Variants in SND1 observed in about 807,000 individuals in gnomAD.
The protein encoded by SND1 is staphylococcal nuclease domain-containing protein 1.
A neutral mutation model predicts 121.7 loss-of-function variants in SND1; 38 were observed. That is an observed-to-expected ratio of 0.31 (90% CI 0.24 to 0.41). The LOEUF (loss-of-function observed/expected upper bound fraction) is 0.41, where lower values mean the gene tolerates loss of function less well. SND1 is among the 10% of genes least tolerant of loss of function. SND1 has a pLI of 1.00. For missense variants in SND1, 868 were observed against 1,184.6 expected (o/e 0.73, Z 3.92); for synonymous variants, 401 against 447.4 (o/e 0.90, Z 1.31).
intron 16 of SND1, among the ~76,000 whole-genome samples, chr7:128,031,267 G>A (rs956794597): frequency 2.0e-5 from 3 of 152,028 alleles, no homozygotes; most frequent in Non-Finnish European, 4.4e-5. Flanking sequence ...TCCAGCCGCG[G>A]GGGAAGGCGC....
At chr7:127,979,965 C>T (rs1161279760) in intron 15 of SND1, among the ~76,000 whole-genome samples, 1 of 152,182 alleles carries the variant, frequency 6.6e-6, no homozygotes, top group Non-Finnish European at 1.5e-5. Context: ...AAGGCAAATG[C>T]CATTCTTGAC....
chr7:127,802,446 A>G (rs1185389675), intron 10 of SND1, among the ~76,000 whole-genome samples: 5 of 152,178 alleles, frequency 3.3e-5, no homozygotes, highest in Non-Finnish European at 5.9e-5. Flanking sequence ...TCCAAAGTGC[A>G]AATCTTAGTT....
rs144456953 is a variant in SND1 at position 127,690,630 on chromosome 7, G to A, written c.228+3868G>A. 1.2e-3 allele frequency among the ~76,000 whole-genome samples: 186 copies of A among 152,304 alleles called. 1 individual carries two copies. Among genetic ancestry groups the A allele is most frequent in the Middle Eastern group, 0.01 (3 of 294 alleles). The stretch of plus-strand genomic sequence containing the variant: ...AGAAGAGAGCCTTTCTCTCATCTCT[G>A]TGTCTTTGTGCCTAGTCAGTACCTG... On this transcript the variant is annotated intron_variant, in intron 2 of 23. Coordinates refer to ENST00000354725, the MANE Select transcript of SND1 (RefSeq NM_014390.4).
At chr7:127,746,895 T>C (rs556852911) in intron 10 of SND1, among the ~76,000 whole-genome samples, 1 of 152,350 alleles carries the variant, frequency 6.6e-6, no homozygotes, top group East Asian at 1.9e-4. Flanking sequence ...GCATTCAGTC[T>C]TAGCCATTTA....
intron 10 of SND1, among the ~76,000 whole-genome samples, chr7:127,750,164 G>A (rs980320570): frequency 4.6e-5 from 7 of 152,134 alleles, no homozygotes; most frequent in Admixed American, 1.3e-4. Context: ...AGTTTTGTAC[G>A]GCAACAGCAA....
In SND1 at chr7:127,791,880, A is replaced by G. The variant is rs139344927; in HGVS notation, c.1153-15604A>G. On this transcript the variant is annotated intron_variant, in intron 10 of 23. Coordinates refer to ENST00000354725, the MANE Select transcript of SND1 (RefSeq NM_014390.4). Reference sequence around the variant, plus strand: ...TGCAATATAGTAACCACGTTGACACATTTAAGCTAACTTTAGTCTTCCATT... The same window carrying G: ...TGCAATATAGTAACCACGTTGACACGTTTAAGCTAACTTTAGTCTTCCATT... 6.8e-4 allele frequency among the ~76,000 whole-genome samples: 104 copies of G among 152,350 alleles called. 1 individual carries two copies. The East Asian group carries it at 0.017, about 25-fold the overall frequency.
At chr7:127,928,817 C>G (rs1481583148) in intron 14 of SND1, among the ~76,000 whole-genome samples, 1 of 152,138 alleles carries the variant, frequency 6.6e-6, no homozygotes, top group Non-Finnish European at 1.5e-5. Flanking sequence ...TTTCAAACCC[C>G]TGACCTCAGG....
intron 15 of SND1, among the ~76,000 whole-genome samples, chr7:127,978,248 CT>C (rs1802173278): frequency 6.6e-6 from 1 of 151,952 alleles, no homozygotes; most frequent in Admixed American, 6.6e-5. Context: ...AAGAAAGGAT[CT>C]CACTAAGGGG....
intron 12 of SND1, among the ~76,000 whole-genome samples, chr7:127,884,799 T>C (rs1799863148): frequency 6.6e-6 from 1 of 152,164 alleles, no homozygotes; most frequent in African/African-American, 2.4e-5. Context: ...TACCATGAGT[T>C]CACACAAATA....
chr7:127,871,576 A>T (rs1027979839), intron 12 of SND1, among the ~76,000 whole-genome samples: 9 of 152,202 alleles, frequency 5.9e-5, no homozygotes, highest in Non-Finnish European at 1.2e-4. Flanking sequence ...AAATGTGAAG[A>T]TGAGTGTTTG....
intron 15 of SND1, among the ~76,000 whole-genome samples, chr7:127,977,751 T>A (rs1802156778): frequency 6.6e-6 from 1 of 152,128 alleles, no homozygotes; most frequent in Non-Finnish European, 1.5e-5. Context: ...GACAAGAGCC[T>A]GACAAACAGA....
chr7:127,842,982 C>A (rs954884654), intron 11 of SND1, among the ~76,000 whole-genome samples: 2 of 152,184 alleles, frequency 1.3e-5, no homozygotes, highest in African/African-American at 4.8e-5. Flanking sequence ...GTCTAGGAGT[C>A]CAACAGGAAT....
Position 128,091,837 on chromosome 7 carries a change from A to G in SND1, c.2623A>G (p.Ile875Val), listed in dbSNP as rs752980617. 19 of 1,614,022 alleles carry G rather than the reference A, an allele frequency of 1.2e-5. No homozygotes were observed. Among genetic ancestry groups the G allele is most frequent in the Non-Finnish European group, 3.4e-6 (4 of 1,180,034 alleles). The part of the protein sequence containing the change: ...VRKEKQFQKV[I>V]TEYLNAQESA... ...TCCCTTTCTTCTCTCGTCCCTCCAG[A>G]TCACAGAATACCTGAATGCCCAAGA... The change falls in exon 23 of 24, where the codon ATC becomes GTC. Residue 875 changes from isoleucine (I) to valine (V), a missense_variant and splice_region_variant. This residue lies in a region of SND1 where 743 missense variants were observed against 1,071.3 expected (regional missense o/e 0.69). Transcript: ENST00000354725.
chr7:127,724,732 T>C (rs1457071507), intron 10 of SND1, among the ~76,000 whole-genome samples: 1 of 152,206 alleles, frequency 6.6e-6, no homozygotes, highest in African/African-American at 2.4e-5. Flanking sequence ...ATTTACAAGA[T>C]ATGAAAGCAG....
intron 1 of SND1, among the ~76,000 whole-genome samples, chr7:127,680,116 C>T (rs949699396): frequency 3.9e-5 from 6 of 152,046 alleles, no homozygotes; most frequent in Admixed American, 1.3e-4. Context: ...CCCCCTGAGC[C>T]GTAAAACCAG....
At chr7:128,028,017 C>A (rs1029197290) in intron 16 of SND1, 8 of 152,816 alleles carry the variant, frequency 5.2e-5, no homozygotes, top group Admixed American at 4.6e-4. Flanking sequence ...GCACAGACCC[C>A]CAAGACTTGT....
intron 12 of SND1, among the ~76,000 whole-genome samples, chr7:127,868,127 C>T (rs571639204): frequency 2.6e-5 from 4 of 152,258 alleles, no homozygotes; most frequent in African/African-American, 9.6e-5. Context: ...CATGGTGGCT[C>T]ACGCCTGTAA....
intron 14 of SND1, among the ~76,000 whole-genome samples, chr7:127,926,314 A>G (rs1182143565): frequency 6.6e-6 from 1 of 152,180 alleles, no homozygotes; most frequent in Non-Finnish European, 1.5e-5. Flanking sequence ...TTGGGTTCTT[A>G]TAATCAATTT....
At chr7:127,953,299 C>G (rs2116858392) in intron 15 of SND1, among the ~76,000 whole-genome samples, 1 of 151,780 alleles carries the variant, frequency 6.6e-6, no homozygotes, top group Middle Eastern at 3.4e-3. Context: ...CTAATGGGAG[C>G]AGAGGTCTTG....
Sources: gnomAD v4.1 joint callset for allele counts (sites outside exome capture counted in the v4.1 genomes callset) on GRCh38, gnomAD v4.1.1 for gene constraint, gnomAD v4.1.1 regional missense constraint, MANE v1.5 for transcripts, NCBI Gene and HGNC (gene_info 2026-07-23, HGNC 2026-07-21) for gene names.